The following SRL variants were observed in gnomAD, a reference collection of about 807,000 sequenced individuals.
The protein encoded by SRL is sarcalumenin.
In SRL, 23 loss-of-function variants were observed where a neutral mutation model predicts 39.5. That is an observed-to-expected ratio of 0.58 (90% CI 0.42 to 0.82). The LOEUF (loss-of-function observed/expected upper bound fraction) is 0.82, where lower values mean the gene tolerates loss of function less well. Among genes scored for constraint, SRL ranks in the 40% least tolerant of loss-of-function variants. The pLI is 0.00. For missense variants in SRL, 592 were observed against 607.8 expected (o/e 0.97, Z 0.27); for synonymous variants, 272 against 237.4 (o/e 1.15, Z -1.34).
At position 4,190,194 on chromosome 16, in the gene SRL, G is replaced by A. The variant is rs1002132390; in HGVS notation, c.*1959C>T. Reference sequence around the variant, plus strand: ...GGCCCCTGTGACAGCATGCACCAGAGTGATAACAATTCTGAGAACCGGGAA... The same window carrying A: ...GGCCCCTGTGACAGCATGCACCAGAATGATAACAATTCTGAGAACCGGGAA... On this transcript the variant is annotated 3_prime_UTR_variant, in exon 6 of 6. Coordinates refer to ENST00000399609, the MANE Select transcript of SRL (RefSeq NM_001098814.2). The A allele has an allele frequency of 5.0e-6, 2 of 398,356 alleles. No homozygotes were observed. Among genetic ancestry groups the A allele is most frequent in the African/African-American group, 2.1e-5 (1 of 48,740 alleles). The allele number at this position is 398,356 out of a possible 1,614,324, so 24.7% of individuals were successfully genotyped here.
In SRL at chr16:4,197,992, C is replaced by T. The variant is rs1401312101; in HGVS notation, c.260-77G>A. ...AGGGGTATGGCACCGTACTCCAAAGCATCTCACCGTCCATCCAACTGAGTT... is the reference window on the plus strand; with the variant it reads ...AGGGGTATGGCACCGTACTCCAAAGTATCTCACCGTCCATCCAACTGAGTT... On this transcript the variant is annotated intron_variant, in intron 3 of 5. Coordinates refer to ENST00000399609, the MANE Select transcript of SRL (RefSeq NM_001098814.2). 1.4e-5 allele frequency: 13 copies of T among 951,110 alleles called. No homozygotes were observed. In the East Asian group the frequency reaches 3.1e-4, roughly 23 times the overall value. 58.9% of individuals were successfully genotyped at this position (951,110 alleles called of 1,614,324 possible).
In SRL at chr16:4,202,087, G is replaced by T. The variant is rs191919964; in HGVS notation, c.259+1079C>A. On this transcript the variant is annotated intron_variant, in intron 3 of 5. Coordinates refer to ENST00000399609, the MANE Select transcript of SRL (RefSeq NM_001098814.2). ...ATTACAGGCGTGAGCCACCAGGAGG[G>T]TGCTGGTTTTCCAGAGCATGGCGTG... 1.8e-4 allele frequency among the ~76,000 whole-genome samples: 28 copies of T among 152,358 alleles called. No individual in the cohort carries two copies. In the East Asian group the frequency reaches 5.0e-3, roughly 27 times the overall value.
At chr16:4,198,040 C>G (rs959895242) in intron 3 of SRL, 125 bp from the exon 4 acceptor site, 1 of 700,230 alleles carries the variant, frequency 1.4e-6, no homozygotes, top group East Asian at 2.7e-5. Flanking sequence ...ATGAATCAGA[C>G]GTGTGTAGCC....
chr16:4,201,189 C>T (rs939238990), intron 3 of SRL, among the ~76,000 whole-genome samples: 1 of 150,574 alleles, frequency 6.6e-6, no homozygotes, highest in Non-Finnish European at 1.5e-5. Context: ...TCTCAGTTTA[C>T]TGCAATCTCT....
intron 1 of SRL, among the ~76,000 whole-genome samples, chr16:4,225,356 G>A (rs1421698624): frequency 6.6e-6 from 1 of 152,204 alleles, no homozygotes; most frequent in Admixed American, 6.5e-5. Flanking sequence ...GCTGAGGTGA[G>A]AGGATCTCTT....
rs544328698 is a variant in SRL at position 4,228,714 on chromosome 16, G to A, written c.61+13293C>T. On this transcript the variant is annotated intron_variant, in intron 1 of 5. Coordinates refer to ENST00000399609, the MANE Select transcript of SRL (RefSeq NM_001098814.2). ...CATGCCACTGCACTCCAGCCTGGGTGACAGAGCAAGACTCCGTCTCAAAAA... is the reference window on the plus strand; with the variant it reads ...CATGCCACTGCACTCCAGCCTGGGTAACAGAGCAAGACTCCGTCTCAAAAA... Among the ~76,000 whole-genome samples, 898 of 151,540 alleles carry A rather than the reference G, an allele frequency of 5.9e-3. 6 individuals are homozygous for A. Among genetic ancestry groups the A allele is most frequent in the Middle Eastern group, 0.017 (5 of 294 alleles).
At position 4,192,098 on chromosome 16, in the gene SRL, G is replaced by C. The variant is rs251787; in HGVS notation, c.*55C>G. 6.8e-3 allele frequency: 10,191 copies of C among 1,499,646 alleles called. 50 individuals are homozygous for C. The highest frequency in any genetic ancestry group is 8.3e-3 in the Non-Finnish European group (9,246 of 1,118,274). The allele number at this position is 1,499,646 out of a possible 1,614,324, so 92.9% of individuals were successfully genotyped here. Reference sequence around the variant, plus strand: ...AGGGTTAATAAACCAGGACCTCTCAGACAGTTAGGACACAAGCTGATTCAC... The same window carrying C: ...AGGGTTAATAAACCAGGACCTCTCACACAGTTAGGACACAAGCTGATTCAC... On this transcript the variant is annotated 3_prime_UTR_variant, in exon 6 of 6. Coordinates refer to ENST00000399609, the MANE Select transcript of SRL (RefSeq NM_001098814.2). This position sits in a 1 kb window ranked among gnomAD's most constrained non-coding sequence, Gnocchi z 4.0.
At position 4,190,169 on chromosome 16, in the gene SRL, G is replaced by A. The variant is rs1046375726; in HGVS notation, c.*1984C>T. 4.5e-5 allele frequency: 18 copies of A among 397,782 alleles called. No individual in the cohort carries two copies. The highest frequency in any genetic ancestry group is 2.2e-4 in the Admixed American group (5 of 22,712). 24.6% of individuals were successfully genotyped at this position (397,782 alleles called of 1,614,324 possible). On this transcript the variant is annotated 3_prime_UTR_variant, in exon 6 of 6. Coordinates refer to ENST00000399609, the MANE Select transcript of SRL (RefSeq NM_001098814.2). ...GGCCCTCCACAAAGCCAAACGCAAC[G>A]GCCCCTGTGACAGCATGCACCAGAG... is the stretch of plus-strand genomic sequence containing the variant.
chr16:4,229,844 C>T (rs887839360), intron 1 of SRL, among the ~76,000 whole-genome samples: 6 of 152,238 alleles, frequency 3.9e-5, no homozygotes, highest in African/African-American at 1.4e-4. Flanking sequence ...GCTTCCACAT[C>T]CTGCACCATC....
rs80267856 is a variant in SRL at position 4,192,186 on chromosome 16, G to A, written c.1389C>T (p.Ser463=). Residue 463 remains serine (S), a synonymous_variant, in exon 6 of 6, where the codon AGC becomes AGT. Coordinates refer to ENST00000399609, the MANE Select transcript of SRL (RefSeq NM_001098814.2). This position sits in a 1 kb window ranked among gnomAD's most constrained non-coding sequence, Gnocchi z 4.0. Reference sequence around the variant, plus strand: ...TCCTGTAGCGATTTTTTGGTGTTTCGCTACACCCTGTTTTGTCACAGTTGA... The same window carrying A: ...TCCTGTAGCGATTTTTTGGTGTTTCACTACACCCTGTTTTGTCACAGTTGA... ...GALNCDKTGC[S]ETPKNRYRKH 2,811 of 1,568,010 alleles carry A rather than the reference G, an allele frequency of 1.8e-3. 35 individuals carry two copies. The African/African-American group carries it at 0.029, about 16-fold the overall frequency.
chr16:4,195,451 G>T, intron 5 of SRL, 102 bp downstream of exon 5: 1 of 1,153,178 alleles, frequency 8.7e-7, no homozygotes. Context: ...TCCTGTCTTG[G>T]TCTCCCAAAG....
chr16:4,226,649 G>A (rs2052592776), intron 1 of SRL, among the ~76,000 whole-genome samples: 1 of 151,798 alleles, frequency 6.6e-6, no homozygotes, highest in Non-Finnish European at 1.5e-5. Flanking sequence ...ATGGAAGGAA[G>A]GAAGGGTGAA....
chr16:4,222,956 G>T (rs2052546593), intron 1 of SRL, among the ~76,000 whole-genome samples: 1 of 152,044 alleles, frequency 6.6e-6, no homozygotes, highest in South Asian at 2.1e-4. Context: ...TAGGCTGAGT[G>T]CGGTGGCTCA....
chr16:4,204,834 T>C (rs1050484658), intron 1 of SRL, among the ~76,000 whole-genome samples, 200 bp from the exon 2 acceptor site: 3 of 152,220 alleles, frequency 2.0e-5, no homozygotes, highest in African/African-American at 7.2e-5. Flanking sequence ...GTATTCGCAT[T>C]CGGGGAGCTG....
At chr16:4,194,312 C>T (rs1343711881) in intron 5 of SRL, among the ~76,000 whole-genome samples, 1 of 152,204 alleles carries the variant, frequency 6.6e-6, no homozygotes, top group South Asian at 2.1e-4. Context: ...ACAGTAACTG[C>T]CCATCTCCCC....
At position 4,200,004 on chromosome 16, in the gene SRL, T is replaced by A. The variant is rs2052205315; in HGVS notation, c.260-2089A>T. ...GAGCCCCCACACCCGGCCCCATCTT[T>A]TTACAGAGAGCGTTGCCATATGCTT... On this transcript the variant is annotated intron_variant, in intron 3 of 5. Transcript: ENST00000399609. Among the ~76,000 whole-genome samples the A allele has an allele frequency of 2.6e-5, 4 of 152,196 alleles. 1 individual carries two copies. In the South Asian group the frequency reaches 8.3e-4, roughly 32 times the overall value.
intron 2 of SRL, among the ~76,000 whole-genome samples, chr16:4,204,101 C>A (rs1317204933): frequency 6.6e-6 from 1 of 152,248 alleles, no homozygotes; most frequent in African/African-American, 2.4e-5. Context: ...AGCCTGAGCT[C>A]CAGTTAGGTG....
intron 4 of SRL, 25 bp downstream of exon 4, chr16:4,197,774 A>ACAAT (rs2052168453): frequency 6.8e-7 from 1 of 1,476,888 alleles, no homozygotes; most frequent in Non-Finnish European, 9.5e-7. Context: ...TCAAATCCCA[A>ACAAT]CAATCACACA....
intron 1 of SRL, among the ~76,000 whole-genome samples, chr16:4,224,858 T>C (rs59596451): frequency 1.3e-5 from 2 of 152,272 alleles, no homozygotes; most frequent in East Asian, 1.9e-4. Context: ...CATCAGTAGA[T>C]CAATGGATAA....
Sources: gnomAD v4.1 joint callset for allele counts (sites outside exome capture counted in the v4.1 genomes callset) on GRCh38, gnomAD v4.1.1 for gene constraint, Gnocchi (gnomAD v3.1) non-coding constraint, MANE v1.5 for transcripts, NCBI Gene and HGNC (gene_info 2026-07-23, HGNC 2026-07-21) for gene names.